The following B3GALT5 variants were observed in gnomAD, a reference collection of about 807,000 sequenced individuals.
B3GALT5 encodes UDP-Gal:betaGlcNAc beta 1,3-galactosyltransferase, polypeptide 5.
For missense variants in B3GALT5, 328 were observed against 396.6 expected (o/e 0.83, Z 1.47); for synonymous variants, 156 against 158.6 (o/e 0.98, Z 0.12).
intron 1 of B3GALT5, among the ~76,000 whole-genome samples, chr21:39,629,432 G>A (rs1364446874): frequency 1.3e-5 from 2 of 152,194 alleles, no homozygotes; most frequent in Non-Finnish European, 2.9e-5. Context: ...ATTTTAGAGT[G>A]TGAGTGCATA....
chr21:39,645,040 G>A (rs2079324201), intron 1 of B3GALT5, among the ~76,000 whole-genome samples: 1 of 152,164 alleles, frequency 6.6e-6, no homozygotes, highest in South Asian at 2.1e-4. Flanking sequence ...CCCAGGGAAT[G>A]GAGGCGTCAG....
At chr21:39,620,473 G>A (rs1313890186) in intron 1 of B3GALT5, among the ~76,000 whole-genome samples, 2 of 152,168 alleles carry the variant, frequency 1.3e-5, no homozygotes, top group African/African-American at 4.8e-5. Flanking sequence ...GATGTTTTAT[G>A]TAGATAATTG....
At chr21:39,646,951 A>G (rs2079346038) in intron 2 of B3GALT5, among the ~76,000 whole-genome samples, 1 of 152,072 alleles carries the variant, frequency 6.6e-6, no homozygotes, top group Admixed American at 6.5e-5. Context: ...AAATACAAAA[A>G]TTCCCTGGGT....
chr21:39,642,396 G>A (rs144326694), intron 1 of B3GALT5, among the ~76,000 whole-genome samples: 1 of 152,314 alleles, frequency 6.6e-6, no homozygotes, highest in East Asian at 1.9e-4. Context: ...CATTTCATTT[G>A]AAGAATGTAG....
At position 39,661,602 on chromosome 21, in the gene B3GALT5, A is replaced by G. The variant is rs2079526041; in HGVS notation, c.*110A>G. ...GAGGATGCTGTTCTTCAGTGCTGAA[A>G]TCCACGCCAGAATGTCGGTGTTCAT... On this transcript the variant is annotated 3_prime_UTR_variant, in exon 4 of 4. Coordinates refer to ENST00000684187, the MANE Select transcript of B3GALT5 (RefSeq NM_001356336.2). The surrounding 1 kb of genome is among the most constrained non-coding windows in gnomAD (Gnocchi z 4.7). 1 of 1,057,518 alleles carries G rather than the reference A, an allele frequency of 9.5e-7. No individual in the cohort carries two copies. Among genetic ancestry groups the G allele is most frequent in the East Asian group, 2.8e-5 (1 of 36,222 alleles). 65.5% of individuals were successfully genotyped at this position (1,057,518 alleles called of 1,614,324 possible).
At chr21:39,614,480 T>C (rs2079097161) in intron 1 of B3GALT5, among the ~76,000 whole-genome samples, 1 of 152,170 alleles carries the variant, frequency 6.6e-6, no homozygotes, top group African/African-American at 2.4e-5. Flanking sequence ...AAGGACAAGG[T>C]TGTCTTTGCA....
intron 1 of B3GALT5, among the ~76,000 whole-genome samples, chr21:39,631,356 T>G (rs2079191004): frequency 6.6e-6 from 1 of 152,146 alleles, no homozygotes; most frequent in Non-Finnish European, 1.5e-5. Flanking sequence ...ATCTCCCTCA[T>G]CTCCGCCTTC....
At chr21:39,637,756 T>A (rs919526594) in intron 1 of B3GALT5, among the ~76,000 whole-genome samples, 20 of 152,190 alleles carry the variant, frequency 1.3e-4, no homozygotes, top group Non-Finnish European at 2.9e-4. Flanking sequence ...CAATGGTTTT[T>A]CTAGAGTCAA....
rs771791255 is a variant in B3GALT5 at position 39,661,363 on chromosome 21, A to G, written c.804A>G (p.Pro268=). 15 of 1,609,116 alleles carry G rather than the reference A, an allele frequency of 9.3e-6. No individual in the cohort carries two copies. Among genetic ancestry groups the G allele is most frequent in the Non-Finnish European group, 1.2e-5 (14 of 1,177,830 alleles). ...EELHSQPTFF[P]GGLRFSVCLF... ...TCCACTCCCAGCCGACCTTTTTTCC[A>G]GGGGGCTTACGCTTCTCCGTATGCC... Residue 268 remains proline, a synonymous_variant, in exon 4 of 4, where the codon CCA becomes CCG. Transcript: ENST00000684187. The surrounding 1 kb of genome is among the most constrained non-coding windows in gnomAD (Gnocchi z 4.7).
At chr21:39,615,593 A>G (rs550428647) in intron 1 of B3GALT5, among the ~76,000 whole-genome samples, 3 of 152,372 alleles carry the variant, frequency 2.0e-5, no homozygotes, top group Non-Finnish European at 2.9e-5. Flanking sequence ...GCAGAGATAA[A>G]TAGCTCAGGC....
intron 2 of B3GALT5, among the ~76,000 whole-genome samples, chr21:39,647,327 G>T (rs182557344): frequency 6.6e-6 from 1 of 152,250 alleles, no homozygotes; most frequent in Non-Finnish European, 1.5e-5. Context: ...AAATCTGAGC[G>T]CTGGAAATTG....
chr21:39,647,305 T>C (rs1226901270), intron 2 of B3GALT5, among the ~76,000 whole-genome samples: 2 of 152,238 alleles, frequency 1.3e-5, no homozygotes, highest in Non-Finnish European at 2.9e-5. Context: ...GATGGCTTCG[T>C]GTAGCACAAT....
rs150491829 is a variant in B3GALT5, at chr21:39,616,624, A to C, written c.-392+3557A>C. On this transcript the variant is annotated intron_variant, in intron 1 of 3. Coordinates refer to ENST00000684187, the MANE Select transcript of B3GALT5 (RefSeq NM_001356336.2). ...CAAGGGCAGGTTCAGCTGAACCTTT[A>C]GATAACAATTTTTTGAATTGTCCTC... Among the ~76,000 whole-genome samples, 10 of 152,262 alleles carry C rather than the reference A, an allele frequency of 6.6e-5. No individual in the cohort carries two copies. The East Asian group carries it at 1.9e-3, about 29-fold the overall frequency.
At position 39,665,772 on chromosome 21, in the gene B3GALT5, C is replaced by T. The variant is rs1368055517; in HGVS notation, c.*4280C>T. 2 of 152,240 alleles carry T rather than the reference C, an allele frequency of 1.3e-5. No homozygotes were observed. The highest frequency in any genetic ancestry group is 2.9e-5 in the Non-Finnish European group (2 of 68,048). The allele number at this position is 152,240 out of a possible 1,614,324, so 9.4% of individuals were successfully genotyped here. ...TGCAACTCACCTCACTCCCATGCCC[C>T]GTACCTTATATTGTTTTCCTTGCAC... On this transcript the variant is annotated 3_prime_UTR_variant, in exon 4 of 4. Coordinates refer to ENST00000684187, the MANE Select transcript of B3GALT5 (RefSeq NM_001356336.2).
At chr21:39,633,823 A>G (rs1420192112) in intron 1 of B3GALT5, among the ~76,000 whole-genome samples, 1 of 152,230 alleles carries the variant, frequency 6.6e-6, no homozygotes, top group African/African-American at 2.4e-5. Context: ...CCCTCCGGAC[A>G]GTCCTGGGCT....
chr21:39,613,172 G>C (rs891306555), intron 1 of B3GALT5, 105 bp downstream of exon 1: 1 of 150,784 alleles, frequency 6.6e-6, no homozygotes, highest in Non-Finnish European at 1.5e-5. Flanking sequence ...AGGGGACCGC[G>C]GCGCGGCCGC....
intron 2 of B3GALT5, among the ~76,000 whole-genome samples, chr21:39,649,662 G>A (rs1461083595): frequency 6.6e-6 from 1 of 152,136 alleles, no homozygotes; most frequent in Non-Finnish European, 1.5e-5. Context: ...CCCCAGGGGC[G>A]AGGGGGATTC....
chr21:39,648,175 A>G (rs1281537232), intron 2 of B3GALT5, among the ~76,000 whole-genome samples: 3 of 152,242 alleles, frequency 2.0e-5, no homozygotes, highest in Non-Finnish European at 4.4e-5. Context: ...TGTTCAAATA[A>G]AATCATTCAG....
At chr21:39,626,684 A>G (rs1303990582) in intron 1 of B3GALT5, among the ~76,000 whole-genome samples, 1 of 151,916 alleles carries the variant, frequency 6.6e-6, no homozygotes, top group Non-Finnish European at 1.5e-5. Context: ...TGCATTTGCC[A>G]GTGGTTGGTG....
Sources: allele counts gnomAD v4.1 joint callset (sites outside exome capture counted in the v4.1 genomes callset), GRCh38; gene constraint gnomAD v4.1.1; non-coding constraint Gnocchi (gnomAD v3.1); transcripts MANE v1.5; gene names NCBI Gene and HGNC (gene_info 2026-07-23, HGNC 2026-07-21).